RBFOX1: variants seen among roughly 807,000 people sequenced by gnomAD.
The protein encoded by RBFOX1 is RNA binding protein fox-1 homolog 1.
Under a neutral mutation model 57.7 loss-of-function variants are expected in RBFOX1, and 8 were observed. The ratio of observed to expected loss-of-function variants is 0.14; its 90% CI spans 0.08 to 0.25. RBFOX1 has a LOEUF of 0.25. Ranked by LOEUF, RBFOX1 falls within the 10% of genes least tolerant of loss-of-function variation. The probability of loss-of-function intolerance (pLI) is 1.00; values close to 1 mark genes in which losing one functional copy is unlikely to be tolerated. For synonymous variants in RBFOX1, 326 were observed against 222.4 expected, an observed-to-expected ratio of 1.47 and a Z score of -4.15; for missense variants, 611 against 548.5, an observed-to-expected ratio of 1.11 and a Z score of -1.14.
chr16:6,528,428 A>G (rs1278258320), intron 2 of RBFOX1, among the ~76,000 whole-genome samples: 1 of 152,186 alleles, frequency 6.6e-6, no homozygotes, highest in Non-Finnish European at 1.5e-5. Context: ...GAGCCAATAA[A>G]ACATGACCTT....
In RBFOX1 at chr16:5,794,627, G is replaced by C. The variant is rs371109027; in HGVS notation, c.319-72676G>C. On this transcript the variant is annotated intron_variant, in intron 3 of 19. Coordinates refer to the RBFOX1 transcript ENST00000641259. The stretch of plus-strand genomic sequence containing the variant: ...GGCATGTGGTGAGCAAAATGAGTTT[G>C]CCTGTGGATGGGGGATGCAGCTGGA... Among the ~76,000 whole-genome samples the C allele has an allele frequency of 1.5e-3, 233 of 152,298 alleles. 1 individual carries two copies. Among genetic ancestry groups the C allele is most frequent in the African/African-American group, 5.5e-3 (227 of 41,566 alleles).
chr16:6,281,285 G>T (rs1308988000), intron 1 of RBFOX1, among the ~76,000 whole-genome samples: 2 of 152,010 alleles, frequency 1.3e-5, no homozygotes, highest in African/African-American at 4.8e-5. Context: ...TTCAGAGATG[G>T]GCACTGTTAT....
chr16:6,534,634 C>G (rs2096710699), intron 2 of RBFOX1, among the ~76,000 whole-genome samples: 1 of 152,274 alleles, frequency 6.6e-6, no homozygotes, highest in Admixed American at 6.5e-5. Context: ...AGACCGCAAT[C>G]TACCTTTTAT....
intron 1 of RBFOX1, among the ~76,000 whole-genome samples, chr16:5,338,430 G>A (rs2064952792): frequency 6.6e-6 from 1 of 152,168 alleles, no homozygotes; most frequent in South Asian, 2.1e-4. Context: ...CAGGACAGCT[G>A]GTTTGCAGAG....
chr16:5,346,621 C>A (rs1408884431), intron 1 of RBFOX1, among the ~76,000 whole-genome samples: 2 of 152,218 alleles, frequency 1.3e-5, no homozygotes, highest in Non-Finnish European at 2.9e-5. Flanking sequence ...CTTGTCTTAT[C>A]CCCTCCTGGG....
intron 4 of RBFOX1, among the ~76,000 whole-genome samples, chr16:7,188,894 C>G (rs1485818842): frequency 5.3e-5 from 8 of 152,218 alleles, no homozygotes; most frequent in Admixed American, 5.2e-4. Flanking sequence ...ACAGAGGATA[C>G]AGACAGCTAA....
intron 2 of RBFOX1, among the ~76,000 whole-genome samples, chr16:6,510,368 C>T (rs2096228568): frequency 6.6e-6 from 1 of 152,108 alleles, no homozygotes. Context: ...GCCACAGAAG[C>T]CAACTCCCAG....
chr16:5,494,809 C>T (rs764961464), intron 2 of RBFOX1, among the ~76,000 whole-genome samples: 1 of 152,126 alleles, frequency 6.6e-6, no homozygotes, highest in Non-Finnish European at 1.5e-5. Context: ...CTAAGGGACC[C>T]TCAGAGATGA....
chr16:6,960,203 G>T (rs966446660), intron 3 of RBFOX1, among the ~76,000 whole-genome samples: 3 of 152,100 alleles, frequency 2.0e-5, no homozygotes, highest in Admixed American at 2.0e-4. Context: ...GACAAGAGAA[G>T]GATAATCATC....
chr16:7,354,924 C>A (rs1353670987), intron 4 of RBFOX1, among the ~76,000 whole-genome samples: 1 of 152,178 alleles, frequency 6.6e-6, no homozygotes, highest in Non-Finnish European at 1.5e-5. Flanking sequence ...ATCTTGTGGT[C>A]TCTTTGCTCT....
intron 1 of RBFOX1, among the ~76,000 whole-genome samples, chr16:6,159,240 C>A (rs183837769): frequency 5.9e-5 from 9 of 152,234 alleles, no homozygotes; most frequent in Non-Finnish European, 1.3e-4. Context: ...CCACACCCAG[C>A]TAATTTTTGT....
At chr16:6,906,144 C>T (rs1051193419) in intron 3 of RBFOX1, among the ~76,000 whole-genome samples, 4 of 152,034 alleles carry the variant, frequency 2.6e-5, no homozygotes, top group Admixed American at 2.6e-4. Context: ...GGGCTGCAAA[C>T]AGTGTTGATG....
chr16:6,593,099 G>C (rs993396876), intron 2 of RBFOX1, among the ~76,000 whole-genome samples: 11 of 152,164 alleles, frequency 7.2e-5, no homozygotes, highest in African/African-American at 2.7e-4. Context: ...TGCTGAGGCA[G>C]GAGAATCACT....
At chr16:7,707,864 G>A (rs2082996845) in intron 14 of RBFOX1, among the ~76,000 whole-genome samples, 2 of 152,096 alleles carry the variant, frequency 1.3e-5, no homozygotes, top group African/African-American at 2.4e-5. Flanking sequence ...TCCTCTTGAG[G>A]ACACCCCATT....
chr16:7,502,237 C>T (rs778910241), intron 4 of RBFOX1, among the ~76,000 whole-genome samples: 15 of 152,086 alleles, frequency 9.9e-5, no homozygotes, highest in African/African-American at 3.4e-4. Flanking sequence ...GCAAGCCAAC[C>T]GATATCTATC....
chr16:7,307,458 A>G (rs1230704470), intron 4 of RBFOX1, among the ~76,000 whole-genome samples: 1 of 152,196 alleles, frequency 6.6e-6, no homozygotes, highest in Non-Finnish European at 1.5e-5. Context: ...TGCCACGAAT[A>G]ATTTATTTAC....
chr16:7,134,707 A>T (rs2071433807), intron 4 of RBFOX1, among the ~76,000 whole-genome samples: 1 of 152,196 alleles, frequency 6.6e-6, no homozygotes, highest in Non-Finnish European at 1.5e-5. Context: ...GACTGTGAAA[A>T]CTACTTTTGT....
intron 3 of RBFOX1, among the ~76,000 whole-genome samples, chr16:6,806,836 A>ATATATATATATATAATTTTT: frequency 2.2e-5 from 2 of 91,874 alleles, no homozygotes; most frequent in South Asian, 7.9e-4. Flanking sequence ...ATATATATAT[A>ATATATATATATATAATTTTT]TTTTTTTTTT....
intron 5 of RBFOX1, among the ~76,000 whole-genome samples, chr16:7,551,368 A>C (rs2086469028): frequency 6.6e-6 from 1 of 152,070 alleles, no homozygotes; most frequent in Admixed American, 6.5e-5. Context: ...TGTACCCTCC[A>C]GGGGCCCCAG....
Sources: gnomAD v4.1 joint callset for allele counts (sites outside exome capture counted in the v4.1 genomes callset) on GRCh38, gnomAD v4.1.1 for gene constraint, MANE v1.5 for transcripts, NCBI Gene and HGNC (gene_info 2026-07-23, HGNC 2026-07-21) for gene names.